The following ESRRG variants were observed in gnomAD, a reference collection of about 807,000 sequenced individuals.
The protein encoded by ESRRG is estrogen-related receptor gamma.
Under a neutral mutation model 44.0 loss-of-function variants are expected in ESRRG, and 13 were observed. The ratio of observed to expected loss-of-function variants is 0.30; its 90% CI spans 0.19 to 0.47. The LOEUF (loss-of-function observed/expected upper bound fraction) is 0.47, where lower values mean the gene tolerates loss of function less well. ESRRG is among the 20% of genes least tolerant of loss of function. The pLI, the probability that ESRRG is intolerant of heterozygous loss-of-function variation, is 1.00. For missense variants in ESRRG, 395 were observed against 580.6 expected, an observed-to-expected ratio of 0.68 and a Z score of 3.29; for synonymous variants, 215 against 214.6, an observed-to-expected ratio of 1.00 and a Z score of -0.02.
chr1:216,814,155 G>T (rs2095062450), intron 2 of ESRRG, among the ~76,000 whole-genome samples: 1 of 151,846 alleles, frequency 6.6e-6, no homozygotes, highest in African/African-American at 2.4e-5. Flanking sequence ...CCACCACAAT[G>T]CTATTGTCAT....
intron 3 of ESRRG, among the ~76,000 whole-genome samples, chr1:216,647,978 T>A (rs2068008994): frequency 6.6e-6 from 1 of 152,200 alleles, no homozygotes; most frequent in Non-Finnish European, 1.5e-5. Flanking sequence ...CATCAGCCTG[T>A]ATGGACTGCT....
chr1:216,771,521 T>C (rs17043774), intron 2 of ESRRG, among the ~76,000 whole-genome samples: 2 of 152,110 alleles, frequency 1.3e-5, no homozygotes, highest in East Asian at 3.9e-4. Context: ...AACTCAGAAT[T>C]TGTCAAAATT....
At chr1:216,786,167 G>A (rs2094120900) in intron 2 of ESRRG, among the ~76,000 whole-genome samples, 1 of 151,930 alleles carries the variant, frequency 6.6e-6, no homozygotes, top group South Asian at 2.1e-4. Context: ...GAGTACTAAG[G>A]GATTCTCTCT....
intron 5 of ESRRG, among the ~76,000 whole-genome samples, chr1:216,546,944 A>G (rs1038944409): frequency 2.6e-5 from 4 of 151,290 alleles, no homozygotes; most frequent in Non-Finnish European, 4.4e-5. Context: ...TCCTAATGCT[A>G]CCCCTCCCCT....
At chr1:216,577,929 T>C (rs977021533) in intron 3 of ESRRG, among the ~76,000 whole-genome samples, 13 of 152,014 alleles carry the variant, frequency 8.6e-5, no homozygotes, top group African/African-American at 3.1e-4. Context: ...AGGGGAAAAC[T>C]TTATCTCTGA....
chr1:216,691,908 G>A (rs1006895356), intron 1 of ESRRG, among the ~76,000 whole-genome samples: 10 of 152,084 alleles, frequency 6.6e-5, no homozygotes, highest in African/African-American at 1.9e-4. Flanking sequence ...ACTTAGTGAC[G>A]TCACAGTGAA....
intron 2 of ESRRG, among the ~76,000 whole-genome samples, chr1:216,931,114 G>A (rs1315712767): frequency 6.6e-6 from 1 of 152,124 alleles, no homozygotes; most frequent in Admixed American, 6.6e-5. Flanking sequence ...TCAGTGAAGG[G>A]GCACCTGTCA....
At chr1:216,873,083 C>G (rs1399994115) in intron 2 of ESRRG, among the ~76,000 whole-genome samples, 1 of 152,082 alleles carries the variant, frequency 6.6e-6, no homozygotes, top group Non-Finnish European at 1.5e-5. Flanking sequence ...GTGCACCACC[C>G]AGTGTCCAGT....
chr1:216,808,361 T>C (rs1183372939), intron 2 of ESRRG, among the ~76,000 whole-genome samples: 1 of 152,176 alleles, frequency 6.6e-6, no homozygotes, highest in Non-Finnish European at 1.5e-5. Flanking sequence ...ATAAAAGTCC[T>C]GTCTGAACGA....
At chr1:216,775,186 T>A (rs958760661) in intron 2 of ESRRG, among the ~76,000 whole-genome samples, 2 of 152,040 alleles carry the variant, frequency 1.3e-5, no homozygotes, top group African/African-American at 4.8e-5. Flanking sequence ...TCGCCCTATT[T>A]CCAGTTTGCC....
chr1:216,680,021 T>C (rs1229758734), intron 1 of ESRRG, among the ~76,000 whole-genome samples: 1 of 152,184 alleles, frequency 6.6e-6, no homozygotes, highest in Non-Finnish European at 1.5e-5. Flanking sequence ...GAAAGGTCCT[T>C]AAAACAGAAG....
At chr1:216,883,204 A>T (rs6657186) in intron 2 of ESRRG, among the ~76,000 whole-genome samples, 30 of 151,938 alleles carry the variant, frequency 2.0e-4, no homozygotes, top group African/African-American at 7.0e-4. Flanking sequence ...TTGGTGAAAG[A>T]AACCCTGTCT....
chr1:216,525,126 G>C (rs554105213), intron 5 of ESRRG, among the ~76,000 whole-genome samples: 1 of 152,112 alleles, frequency 6.6e-6, no homozygotes, highest in Non-Finnish European at 1.5e-5. Context: ...AAATACAATA[G>C]CAGCTAAGAA....
chr1:216,709,806 C>T (rs1022671301), intron 1 of ESRRG, among the ~76,000 whole-genome samples: 1 of 147,656 alleles, frequency 6.8e-6, no homozygotes, highest in Non-Finnish European at 1.5e-5. Flanking sequence ...TAATTAAACA[C>T]ACAAAAAAAT....
chr1:216,902,779 C>T (rs1477334832), intron 2 of ESRRG, among the ~76,000 whole-genome samples: 14 of 152,198 alleles, frequency 9.2e-5, no homozygotes, highest in Admixed American at 9.2e-4. Flanking sequence ...TCCTAGGCTG[C>T]ACTACCTCAT....
intron 5 of ESRRG, among the ~76,000 whole-genome samples, chr1:216,561,427 G>C (rs1285071998): frequency 1.3e-5 from 2 of 152,094 alleles, no homozygotes; most frequent in Non-Finnish European, 2.9e-5. Context: ...ACCAAGACAG[G>C]TGAAATTTCA....
chr1:216,739,184 T>C (rs2090357598), intron 2 of ESRRG, among the ~76,000 whole-genome samples: 2 of 151,890 alleles, frequency 1.3e-5, no homozygotes, highest in South Asian at 4.2e-4. Flanking sequence ...AGAGTAAAAC[T>C]GCATCCTGTT....
At chr1:216,911,272 C>T (rs559000212) in intron 2 of ESRRG, among the ~76,000 whole-genome samples, 6 of 152,144 alleles carry the variant, frequency 3.9e-5, no homozygotes, top group South Asian at 4.2e-4. Context: ...TACATCGAGA[C>T]GCTGGACTGT....
chr1:216,535,649 AGAT>A (rs914849954), intron 5 of ESRRG, among the ~76,000 whole-genome samples: 5 of 151,978 alleles, frequency 3.3e-5, no homozygotes, highest in African/African-American at 1.2e-4. Flanking sequence ...GCCACCTTGA[AGAT>A]TTTGATCCAC....
Sources: gnomAD v4.1 joint callset for allele counts (sites outside exome capture counted in the v4.1 genomes callset) on GRCh38, gnomAD v4.1.1 for gene constraint, MANE v1.5 for transcripts, NCBI Gene and HGNC (gene_info 2026-07-23, HGNC 2026-07-21) for gene names.